Variants in SPATA22 observed in about 807,000 individuals in gnomAD.
The protein encoded by SPATA22 is spermatogenesis associated 22.
A neutral mutation model predicts 47.8 loss-of-function variants in SPATA22; 29 were observed. That is an observed-to-expected ratio of 0.61 (90% confidence interval 0.45 to 0.83). SPATA22 has a LOEUF of 0.83. Among genes scored for constraint, SPATA22 ranks in the 40% least tolerant of loss-of-function variants. SPATA22 has a pLI of 0.00. For synonymous variants in SPATA22, 133 were observed against 140.9 expected (o/e 0.94, Z 0.40); for missense variants, 410 against 421.7 (o/e 0.97, Z 0.24).
At chr17:3,467,704 A>AAAAAT in intron 2 of SPATA22, 150 bp from the exon 3 acceptor site, 1 of 627,644 alleles carries the variant, frequency 1.6e-6, no homozygotes, top group East Asian at 3.5e-5. Flanking sequence ...AATGATTTTT[A>AAAAAT]CATTCTTTTT....
chr17:3,447,556 T>A (rs370400340), intron 6 of SPATA22, among the ~76,000 whole-genome samples: 1 of 152,160 alleles, frequency 6.6e-6, no homozygotes, highest in African/African-American at 2.4e-5. Context: ...GCTTTATTAA[T>A]CTTATTTCCA....
intron 1 of SPATA22, chr17:3,481,769 T>A (rs759976840): frequency 6.2e-7 from 1 of 1,611,730 alleles, no homozygotes; most frequent in Non-Finnish European, 8.5e-7. Context: ...CAGGAATAAC[T>A]TTTTAATTCA....
intron 1 of SPATA22, among the ~76,000 whole-genome samples, chr17:3,478,518 C>A (rs975071223): frequency 5.3e-5 from 8 of 152,164 alleles, no homozygotes; most frequent in Non-Finnish European, 1.5e-5. Context: ...TGTTAACTAA[C>A]TTCTATATTA....
intron 5 of SPATA22, among the ~76,000 whole-genome samples, chr17:3,450,339 G>C (rs983837405): frequency 1.3e-5 from 2 of 151,912 alleles, no homozygotes; most frequent in Non-Finnish European, 2.9e-5. Flanking sequence ...CTGTTAATTG[G>C]GTACAAAGTT....
chr17:3,457,919 CTTTT>C (rs1305694643), intron 5 of SPATA22, among the ~76,000 whole-genome samples: 1 of 152,004 alleles, frequency 6.6e-6, no homozygotes, highest in Non-Finnish European at 1.5e-5. Flanking sequence ...TTGCAAATGA[CTTTT>C]TTTAATATGA....
At chr17:3,513,242 T>C (rs1317740088) in intron 1 of SPATA22, 1 of 152,658 alleles carries the variant, frequency 6.6e-6, no homozygotes, top group Non-Finnish European at 1.5e-5. Flanking sequence ...GTATTGCAAG[T>C]TAAAACCCTG....
At chr17:3,462,904 A>T in intron 3 of SPATA22, 137 bp from the exon 4 acceptor site, 3 of 668,406 alleles carry the variant, frequency 4.5e-6, no homozygotes, top group South Asian at 3.7e-5. Context: ...CTTCAACAGT[A>T]CTTGTTGGAA....
chr17:3,465,879 C>T (rs2073298866), intron 3 of SPATA22, among the ~76,000 whole-genome samples: 1 of 151,892 alleles, frequency 6.6e-6, no homozygotes, highest in Non-Finnish European at 1.5e-5. Flanking sequence ...AACCCTGGTC[C>T]GAGCTTGAAG....
At chr17:3,476,952 G>A (rs797002640) in intron 1 of SPATA22, among the ~76,000 whole-genome samples, 6 of 152,222 alleles carry the variant, frequency 3.9e-5, no homozygotes, top group African/African-American at 1.2e-4. Context: ...TCAGGAGATC[G>A]AGACCATCCT....
chr17:3,468,296 G>T (rs1273532467), intron 2 of SPATA22: 4 of 152,224 alleles, frequency 2.6e-5, no homozygotes, highest in Non-Finnish European at 4.4e-5. Flanking sequence ...GAAGGGAAAA[G>T]AAGTTCAAAA....
intron 1 of SPATA22, among the ~76,000 whole-genome samples, chr17:3,486,489 A>T (rs535168472): frequency 6.6e-6 from 1 of 152,246 alleles, no homozygotes; most frequent in Admixed American, 6.5e-5. Flanking sequence ...TCACTTGTTT[A>T]TCCTGCCAGT....
At chr17:3,512,881 C>T (rs1385817285) in intron 1 of SPATA22, 2 of 152,202 alleles carry the variant, frequency 1.3e-5, no homozygotes, top group Non-Finnish European at 2.9e-5. Context: ...CTGAGACATA[C>T]TGAGGTATGC....
At chr17:3,441,513 T>C (rs1482306120) in intron 8 of SPATA22, 1 of 152,066 alleles carries the variant, frequency 6.6e-6, no homozygotes, top group Non-Finnish European at 1.5e-5. Flanking sequence ...TACTAAGCGT[T>C]CGTAAGAATG....
intron 1 of SPATA22, among the ~76,000 whole-genome samples, chr17:3,481,406 A>G (rs2073624799): frequency 6.6e-6 from 1 of 152,254 alleles, no homozygotes; most frequent in Non-Finnish European, 1.5e-5. Context: ...CCAATGCAAC[A>G]TTAGTTATAT....
In SPATA22 at chr17:3,443,421, G is replaced by A. The variant is rs72821499; in HGVS notation, c.803-150C>T. On this transcript the variant is annotated intron_variant, in intron 7 of 8. Coordinates refer to ENST00000572969, the MANE Select transcript of SPATA22 (RefSeq NM_001170698.2). ...TAAAGAAGACATTTTAAGAAGAGAAGATATTTCTCAGGCAGTTTTATAGGT... is the reference window on the plus strand; with the variant it reads ...TAAAGAAGACATTTTAAGAAGAGAAAATATTTCTCAGGCAGTTTTATAGGT... 2,206 of 584,328 alleles carry A rather than the reference G, an allele frequency of 3.8e-3. 9 individuals carry two copies. Among genetic ancestry groups the A allele is most frequent in the Non-Finnish European group, 4.8e-3 (1,665 of 346,250 alleles). The allele number at this position is 584,328 out of a possible 1,614,324, so 36.2% of individuals were successfully genotyped here. A position where few individuals can be genotyped will look rare whatever the true frequency, so the allele number is the denominator to read the frequency against.
At chr17:3,481,939 G>C in intron 1 of SPATA22, 1 of 760,008 alleles carries the variant, frequency 1.3e-6, no homozygotes, top group East Asian at 2.8e-5. Flanking sequence ...CTTGGTGGTT[G>C]GGGGGAAAGG....
intron 7 of SPATA22, among the ~76,000 whole-genome samples, chr17:3,444,819 A>G (rs2072688611): frequency 6.6e-6 from 1 of 152,122 alleles, no homozygotes; most frequent in African/African-American, 2.4e-5. Context: ...TGTGCTAGAC[A>G]CTAAAGTGTA....
chr17:3,449,047 A>C lies in SPATA22; in HGVS notation c.432T>G (p.Asn144Lys). The change falls in exon 6 of 9, where the codon AAT becomes AAG. Residue 144 changes from asparagine (N) to lysine (K), a missense_variant. Asn to Lys is a moderately conservative substitution (Grantham distance 94). Coordinates refer to ENST00000572969, the MANE Select transcript of SPATA22 (RefSeq NM_001170698.2). ...GAGCTCCCGAACTCACTGGACAAGA[A>C]TTTTTTCCATCATTTGCCACTAAGT... is the stretch of plus-strand genomic sequence containing the variant. ...RTNLVANDGK[N>K]SCPVSSGAQQ... The C allele has an allele frequency of 6.2e-7, 1 of 1,613,820 alleles. No homozygotes were observed. The highest frequency in any genetic ancestry group is 8.5e-7 in the Non-Finnish European group (1 of 1,179,920).
rs937300299 is a variant in SPATA22 at position 3,485,984 on chromosome 17, G to A, written c.-73-16586C>T. On this transcript the variant is annotated intron_variant, in intron 1 of 8. Transcript: ENST00000541913. This position sits in a 1 kb window ranked among gnomAD's most constrained non-coding sequence, Gnocchi z 4.4. ...TTTCGCTCTTGTTGCCAAGGCTGGA[G>A]TACAGTGGCACAATCTCGGCTCACT... 6.6e-6 allele frequency among the ~76,000 whole-genome samples: 1 copy of A among 151,044 alleles called. No homozygotes were observed. The highest frequency in any genetic ancestry group is 2.4e-5 in the African/African-American group (1 of 41,034).
Sources: allele counts gnomAD v4.1 joint callset (sites outside exome capture counted in the v4.1 genomes callset), GRCh38; gene constraint gnomAD v4.1.1; non-coding constraint Gnocchi (gnomAD v3.1); transcripts MANE v1.5; gene names NCBI Gene and HGNC (gene_info 2026-07-23, HGNC 2026-07-21).